MARVELD3: variants seen among roughly 807,000 people sequenced by gnomAD.
The protein encoded by MARVELD3 is MARVEL domain-containing protein 3.
In MARVELD3, 28 loss-of-function variants were observed where a neutral mutation model predicts 33.5. That is an observed-to-expected ratio of 0.84 (90% CI 0.62 to 1.15). The LOEUF is 1.15. Ranked by LOEUF, MARVELD3 falls within the 50% of genes most tolerant of loss-of-function variation. The probability of loss-of-function intolerance (pLI) is 0.00; values close to 1 mark genes in which losing one functional copy is unlikely to be tolerated. For synonymous variants in MARVELD3, 241 were observed against 230.4 expected, an observed-to-expected ratio of 1.05 and a Z score of -0.42; for missense variants, 582 against 547.6, an observed-to-expected ratio of 1.06 and a Z score of -0.63.
chr16:71,631,454 CT>C (rs529217061), intron 2 of MARVELD3, among the ~76,000 whole-genome samples: 44 of 146,736 alleles, frequency 3.0e-4, no homozygotes, highest in African/African-American at 4.0e-4. Flanking sequence ...GTATAACTGT[CT>C]TTTTTTTTTT....
chr16:71,634,805 G>C lies in MARVELD3; in HGVS notation c.*2G>C, dbSNP rs551455140. On this transcript the variant is annotated 3_prime_UTR_variant, in exon 3 of 3. Coordinates refer to ENST00000268485, the MANE Select transcript of MARVELD3 (RefSeq NM_052858.6). ...CCAGCAGAAATGTTTGAATTTTAAG[G>C]GTTTCTAAAACGCTCTGACAGATGC... is the stretch of plus-strand genomic sequence containing the variant. 3 of 1,588,578 alleles carry C rather than the reference G, an allele frequency of 1.9e-6. No homozygotes were observed. In the African/African-American group the frequency reaches 4.1e-5, roughly 22 times the overall value.
Position 71,634,935 on chromosome 16 carries a change from CG to C in MARVELD3, c.*134del. On this transcript the variant is annotated 3_prime_UTR_variant, in exon 3 of 3. Transcript: ENST00000268485. ...AGCGAGCCAGCGTTGGTGTGGTGGG[CG>C]GAGCTCCCAGTCGCATGGAGCGGTG... is the stretch of plus-strand genomic sequence containing the variant. 6.9e-7 allele frequency: 1 copy of C among 1,453,204 alleles called. No homozygotes were observed. Among genetic ancestry groups the C allele is most frequent in the Non-Finnish European group, 9.0e-7 (1 of 1,106,268 alleles). The allele number at this position is 1,453,204 out of a possible 1,614,324, so 90.0% of individuals were successfully genotyped here. A position where few individuals can be genotyped will look rare whatever the true frequency, so the allele number is the denominator to read the frequency against.
rs752736571 is a variant in MARVELD3 at position 71,634,624 on chromosome 16, C to T, written c.1027C>T (p.Leu343=). 15 of 1,614,062 alleles carry T rather than the reference C, an allele frequency of 9.3e-6. No individual in the cohort carries two copies. Among genetic ancestry groups the T allele is most frequent in the Non-Finnish European group, 1.3e-5 (15 of 1,180,044 alleles). The change falls in exon 3 of 3, where the codon CTG becomes TTG. Residue 343 remains leucine, a synonymous_variant. Coordinates refer to ENST00000268485, the MANE Select transcript of MARVELD3 (RefSeq NM_052858.6). ...GSPVCKERQA[L]YQSKGYSGFG... The stretch of plus-strand genomic sequence containing the variant: ...TCCTGTGTGTAAAGAGAGGCAGGCG[C>T]TGTACCAAAGCAAAGGCTACAGCGG...
chr16:71,633,174 G>C (rs61556804), intron 2 of MARVELD3, among the ~76,000 whole-genome samples: 1 of 151,774 alleles, frequency 6.6e-6, no homozygotes, highest in Non-Finnish European at 1.5e-5. Flanking sequence ...ACCAGCCTAG[G>C]CAACACAGCA....
rs558183359 is a variant in MARVELD3, at chr16:71,635,412, A to C, written c.*609A>C. On this transcript the variant is annotated 3_prime_UTR_variant, in exon 3 of 3. Coordinates refer to ENST00000268485, the MANE Select transcript of MARVELD3 (RefSeq NM_052858.6). ...TACAACAGAGTGCACCTCTTCATTC[A>C]GTAAAGGGAGGTCACCAAGAGAATT... 24 of 984,976 alleles carry C rather than the reference A, an allele frequency of 2.4e-5. No individual in the cohort carries two copies. The East Asian group carries it at 2.2e-3, about 89-fold the overall frequency. The allele number at this position is 984,976 out of a possible 1,614,324, so 61.0% of individuals were successfully genotyped here.
chr16:71,630,859 C>T (rs906892656), intron 2 of MARVELD3, among the ~76,000 whole-genome samples: 1 of 151,932 alleles, frequency 6.6e-6, no homozygotes, highest in African/African-American at 2.4e-5. Context: ...TATTTAGGAC[C>T]CACAGTCTGA....
At chr16:71,641,404 A>G (rs1054642266), downstream of MARVELD3, 1 of 184,368 alleles carries the variant, frequency 5.4e-6, no homozygotes, top group African/African-American at 2.4e-5. Context: ...TCTGGCAAAC[A>G]TGGTGAAACC....
At chr16:71,630,337 A>G (rs2044521209) in intron 2 of MARVELD3, among the ~76,000 whole-genome samples, 1 of 147,358 alleles carries the variant, frequency 6.8e-6, no homozygotes, top group Non-Finnish European at 1.5e-5. Flanking sequence ...AATTTTTAAA[A>G]TAATAAGGCC....
At chr16:71,638,246 C>G (rs140528563), downstream of MARVELD3, 1 of 152,226 alleles carries the variant, frequency 6.6e-6, no homozygotes, top group Non-Finnish European at 1.5e-5. Flanking sequence ...TCCTCTGCCT[C>G]GTGCCATTTG....
rs2044477918 is a variant in MARVELD3 at position 71,626,792 on chromosome 16, G to A, written c.467+96G>A. On this transcript the variant is annotated intron_variant, in intron 1 of 2. Coordinates refer to ENST00000268485, the MANE Select transcript of MARVELD3 (RefSeq NM_052858.6). The surrounding 1 kb of genome is among the most constrained non-coding windows in gnomAD (Gnocchi z 5.3). ...TGGCGTCCCCGGGTTCTCGTCCTAG[G>A]AGCCCGTTTAAATGAACAAATGCCG... 9 of 1,077,694 alleles carry A rather than the reference G, an allele frequency of 8.4e-6. No individual in the cohort carries two copies. Among genetic ancestry groups the A allele is most frequent in the Non-Finnish European group, 1.1e-5 (9 of 805,436 alleles). The allele number at this position is 1,077,694 out of a possible 1,614,324, so 66.8% of individuals were successfully genotyped here.
chr16:71,636,021 G>A lies in MARVELD3; in HGVS notation c.*1218G>A. On this transcript the variant is annotated 3_prime_UTR_variant, in exon 3 of 3. Transcript: ENST00000268485. Reference sequence around the variant, plus strand: ...GGATGTAAAATCTTTCCCAACAGAAGAGTGTTACTTTTGGTCAGACAACTT... The same window carrying A: ...GGATGTAAAATCTTTCCCAACAGAAAAGTGTTACTTTTGGTCAGACAACTT... 1.0e-6 allele frequency: 1 copy of A among 985,428 alleles called. No individual in the cohort carries two copies. Among genetic ancestry groups the A allele is most frequent in the Non-Finnish European group, 1.2e-6 (1 of 829,936 alleles). The allele number at this position is 985,428 out of a possible 1,614,324, so 61.0% of individuals were successfully genotyped here. A position where few individuals can be genotyped will look rare whatever the true frequency, so the allele number is the denominator to read the frequency against.
downstream of MARVELD3, among the ~76,000 whole-genome samples, chr16:71,637,415 C>A (rs184895105): frequency 8.2e-3 from 1,243 of 152,290 alleles, 11 homozygotes; most frequent in Non-Finnish European, 0.013. Context: ...GGTCCACTAA[C>A]CCCCATGAAT....
rs779919460 is a variant in MARVELD3 at position 71,634,484 on chromosome 16, C to G, written c.887C>G (p.Pro296Arg). Reference protein sequence around the residue: ...LFVAMGVLRVPWHCPLLLVTE... With the variant: ...LFVAMGVLRVRWHCPLLLVTE... The stretch of plus-strand genomic sequence containing the variant: ...GTTGCCATGGGTGTCCTGCGGGTCC[C>G]GTGGCATTGTCCACTGTTGCTGGTG... Residue 296 changes from proline to arginine, a missense_variant, in exon 3 of 3, where the codon CCG becomes CGG. By Grantham distance (103) the Pro-to-Arg change is moderately radical. Transcript: ENST00000268485. The G allele has an allele frequency of 1.9e-5, 30 of 1,614,070 alleles. No homozygotes were observed. The Admixed American group carries it at 2.0e-4, about 11-fold the overall frequency.
exon 3 of MARVELD3, chr16:71,641,946 A>G (rs2044623033): frequency 6.6e-6 from 1 of 152,204 alleles, no homozygotes; most frequent in Non-Finnish European, 1.5e-5. Flanking sequence ...TTAAAAATAA[A>G]GTTCTTTTAG....
intron 2 of MARVELD3, among the ~76,000 whole-genome samples, chr16:71,631,465 T>G (rs74994446): frequency 6.6e-6 from 1 of 152,090 alleles, no homozygotes; most frequent in East Asian, 1.9e-4. Flanking sequence ...TTTTTTTTTT[T>G]GAGAGTCTTG....
Position 71,634,213 on chromosome 16 carries a change from G to T in MARVELD3, c.616G>T (p.Val206Phe). The change falls in exon 3 of 3, where the codon GTT becomes TTT. Residue 206 changes from valine (V) to phenylalanine (F), a missense_variant. Coordinates refer to ENST00000268485, the MANE Select transcript of MARVELD3 (RefSeq NM_052858.6). ...TGRACCQMLE[V>F]LLNLLILACS... ...TGCAGCCTGCTGCCAAATGCTGGAGGTTCTCCTGAACTTGCTGATCCTGGC... is the reference window on the plus strand; with the variant it reads ...TGCAGCCTGCTGCCAAATGCTGGAGTTTCTCCTGAACTTGCTGATCCTGGC... 1 of 1,603,724 alleles carries T rather than the reference G, an allele frequency of 6.2e-7. No homozygotes were observed. Among genetic ancestry groups the T allele is most frequent in the South Asian group, 1.1e-5 (1 of 90,774 alleles).
chr16:71,630,612 G>A (rs971691617), intron 2 of MARVELD3, among the ~76,000 whole-genome samples: 5 of 148,866 alleles, frequency 3.4e-5, no homozygotes, highest in African/African-American at 7.4e-5. Flanking sequence ...CAACAAGAGC[G>A]AAACTACGTC....
In MARVELD3 at chr16:71,626,377, AACCGGCGAAGGGACGGGG is replaced by A; in HGVS notation, c.154_171del (p.Arg52_Arg57del). ...GCGCAGGAAGCGAAGCAGCGACGGG[AACCGGCGAAGGGACGGGG>A]ACCGGGACCCGGAGAGAGACCAGGA... On this transcript the variant is annotated inframe_deletion, in exon 1 of 3. Transcript: ENST00000268485. The surrounding 1 kb of genome is among the most constrained non-coding windows in gnomAD (Gnocchi z 5.3). 3 of 1,546,026 alleles carry A rather than the reference AACCGGCGAAGGGACGGGG, an allele frequency of 1.9e-6. No individual in the cohort carries two copies. The highest frequency in any genetic ancestry group is 2.6e-6 in the Non-Finnish European group (3 of 1,144,994).
At chr16:71,640,783 G>A (rs774636026), downstream of MARVELD3, 4 of 1,614,234 alleles carry the variant, frequency 2.5e-6, no homozygotes, top group East Asian at 6.7e-5. Flanking sequence ...CAGATCAATA[G>A]CACCGACACT....
Sources: gnomAD v4.1 joint callset for allele counts (sites outside exome capture counted in the v4.1 genomes callset) on GRCh38, gnomAD v4.1.1 for gene constraint, Gnocchi (gnomAD v3.1) non-coding constraint, MANE v1.5 for transcripts, NCBI Gene and HGNC (gene_info 2026-07-23, HGNC 2026-07-21) for gene names.